Variants in GPR158 observed in about 807,000 individuals in gnomAD.
The protein encoded by GPR158 is metabotropic glycine receptor.
In GPR158, 30 loss-of-function variants were observed where a neutral mutation model predicts 78.2. The ratio of observed to expected loss-of-function variants is 0.38; its 90% CI spans 0.29 to 0.52. The LOEUF is 0.52. Ranked by LOEUF, GPR158 falls within the 20% of genes least tolerant of loss-of-function variation. GPR158 has a pLI of 0.83. For missense variants in GPR158, 1,463 were observed against 1,523.5 expected, an observed-to-expected ratio of 0.96 and a Z score of 0.66; for synonymous variants, 581 against 591.1, an observed-to-expected ratio of 0.98 and a Z score of 0.25.
intron 2 of GPR158, among the ~76,000 whole-genome samples, chr10:25,225,838 C>G (rs1320906452): frequency 6.6e-6 from 1 of 152,070 alleles, no homozygotes; most frequent in South Asian, 2.1e-4. Flanking sequence ...TAATGAATCT[C>G]TAAAGATAAA....
chr10:25,241,169 C>CTTTCTTTT (rs1853605582), intron 2 of GPR158, among the ~76,000 whole-genome samples: 1 of 110,128 alleles, frequency 9.1e-6, no homozygotes, highest in Non-Finnish European at 1.8e-5. Flanking sequence ...TTCTTTCTTT[C>CTTTCTTTT]TTTCTTTCTT....
intron 2 of GPR158, among the ~76,000 whole-genome samples, chr10:25,312,044 G>A (rs1854772090): frequency 6.6e-6 from 1 of 151,772 alleles, no homozygotes. Context: ...AAATTATCTG[G>A]CCTTATACAA....
chr10:25,566,966 G>A (rs773080404), intron 6 of GPR158, among the ~76,000 whole-genome samples: 16 of 152,028 alleles, frequency 1.1e-4, no homozygotes, highest in South Asian at 2.1e-4. Context: ...TTACTCTTAC[G>A]AGAAGTGTCA....
chr10:25,454,643 G>A (rs1835266911), intron 4 of GPR158, among the ~76,000 whole-genome samples: 1 of 152,232 alleles, frequency 6.6e-6, no homozygotes, highest in Admixed American at 6.5e-5. Flanking sequence ...TTACACCTGG[G>A]TCCTGTTCTG....
At chr10:25,431,303 A>T (rs377724321) in intron 4 of GPR158, among the ~76,000 whole-genome samples, 16 of 144,732 alleles carry the variant, frequency 1.1e-4, no homozygotes, top group Non-Finnish European at 2.3e-4. Flanking sequence ...TCAAAACCAC[A>T]ATGAGATACC....
In GPR158 at chr10:25,176,326, G is replaced by A; in HGVS notation, c.902+4G>A. On this transcript the variant is annotated splice_donor_region_variant and intron_variant, in intron 1 of 10. Transcript: ENST00000376351. This position sits in a 1 kb window ranked among gnomAD's most constrained non-coding sequence, Gnocchi z 6.3. ...CTAACCTGGTCCCGGAATTCAGGTA[G>A]GGAGGGCCGGGGGGCAGGGGGGAAG... 6.4e-7 allele frequency: 1 copy of A among 1,566,782 alleles called. No individual in the cohort carries two copies. The highest frequency in any genetic ancestry group is 1.2e-5 in the South Asian group (1 of 83,204).
intron 2 of GPR158, among the ~76,000 whole-genome samples, chr10:25,386,323 C>T (rs1404899609): frequency 1.3e-5 from 2 of 152,172 alleles, no homozygotes; most frequent in Non-Finnish European, 2.9e-5. Context: ...CAGTACCACA[C>T]TGTTTTGATT....
chr10:25,218,034 C>T (rs1317796231), intron 1 of GPR158, among the ~76,000 whole-genome samples: 1 of 152,102 alleles, frequency 6.6e-6, no homozygotes, highest in African/African-American at 2.4e-5. Context: ...GCCTGGTCTG[C>T]GATGGGACAC....
intron 2 of GPR158, among the ~76,000 whole-genome samples, chr10:25,328,591 A>G (rs1855069388): frequency 1.3e-5 from 2 of 152,150 alleles, no homozygotes; most frequent in African/African-American, 2.4e-5. Context: ...GTGTCCAGTA[A>G]ACAAATGAAA....
chr10:25,583,209 G>A (rs1837226112), intron 7 of GPR158, among the ~76,000 whole-genome samples: 1 of 152,104 alleles, frequency 6.6e-6, no homozygotes, highest in African/African-American at 2.4e-5. Flanking sequence ...ACTGTAACTT[G>A]CAACGTCTTC....
intron 4 of GPR158, among the ~76,000 whole-genome samples, chr10:25,457,347 T>A (rs1409627455): frequency 1.3e-5 from 2 of 151,974 alleles, no homozygotes; most frequent in African/African-American, 4.8e-5. Flanking sequence ...ATTGCTTGTT[T>A]CCATAATTTT....
intron 1 of GPR158, among the ~76,000 whole-genome samples, chr10:25,200,544 G>T (rs902022308): frequency 2.0e-5 from 3 of 152,034 alleles, no homozygotes; most frequent in East Asian, 3.8e-4. Context: ...TTTTGTTTTT[G>T]TTGCAATTAC....
At chr10:25,267,606 T>C (rs1854060004) in intron 2 of GPR158, among the ~76,000 whole-genome samples, 1 of 152,126 alleles carries the variant, frequency 6.6e-6, no homozygotes, top group Non-Finnish European at 1.5e-5. Context: ...TTTTATGGAA[T>C]TATTTTGGAA....
At chr10:25,515,904 T>C (rs1384384963) in intron 5 of GPR158, among the ~76,000 whole-genome samples, 1,786 of 146,292 alleles carry the variant, frequency 0.012, 32 homozygotes, top group African/African-American at 0.047. Context: ...ATGGCTGGGT[T>C]AAATGGTATT....
intron 2 of GPR158, among the ~76,000 whole-genome samples, chr10:25,325,902 AT>A (rs34026835): frequency 0.64 from 92,880 of 144,002 alleles, 30,527 homozygotes; most frequent in Non-Finnish European, 0.75. Flanking sequence ...GGCCATTTGT[AT>A]TTTTTTTTTT....
chr10:25,205,929 T>C (rs1383339603), intron 1 of GPR158, among the ~76,000 whole-genome samples: 1 of 152,044 alleles, frequency 6.6e-6, no homozygotes, highest in Non-Finnish European at 1.5e-5. Context: ...GAGAGTTCTA[T>C]AGATATTTGT....
At position 25,189,266 on chromosome 10, in the gene GPR158, C is replaced by T. The variant is rs148959834; in HGVS notation, c.902+12944C>T. Among the ~76,000 whole-genome samples the T allele has an allele frequency of 6.9e-3, 1,045 of 152,290 alleles. 11 individuals are homozygous for T. Among genetic ancestry groups the T allele is most frequent in the African/African-American group, 0.024 (1,003 of 41,542 alleles). ...CTAGAACTAGAAATGCCATTTGACC[C>T]AGCCATCCCATTACTGGGTATACGC... On this transcript the variant is annotated intron_variant, in intron 1 of 10. Transcript: ENST00000376351.
intron 2 of GPR158, among the ~76,000 whole-genome samples, chr10:25,242,061 A>G (rs1432029364): frequency 1.3e-5 from 2 of 152,258 alleles, no homozygotes; most frequent in Non-Finnish European, 2.9e-5. Flanking sequence ...TGGCAATTTA[A>G]TAAGAAAATT....
intron 7 of GPR158, among the ~76,000 whole-genome samples, chr10:25,578,191 G>C (rs1837131939): frequency 6.6e-6 from 1 of 152,156 alleles, no homozygotes; most frequent in South Asian, 2.1e-4. Flanking sequence ...GTAGCTCACT[G>C]AAGACAAAAG....
Sources: allele counts gnomAD v4.1 joint callset (sites outside exome capture counted in the v4.1 genomes callset), GRCh38; gene constraint gnomAD v4.1.1; non-coding constraint Gnocchi (gnomAD v3.1); transcripts MANE v1.5; gene names NCBI Gene and HGNC (gene_info 2026-07-23, HGNC 2026-07-21).